DENND6B: variants seen among roughly 807,000 people sequenced by gnomAD.
The protein encoded by DENND6B is protein DENND6B.
A neutral mutation model predicts 85.1 loss-of-function variants in DENND6B; 73 were observed. The observed-to-expected ratio is 0.86, with a 90% CI of 0.71 to 1.04. The LOEUF is 1.04. Ranked by LOEUF, DENND6B falls within the 50% of genes least tolerant of loss-of-function variation. The pLI is 0.00. For synonymous variants in DENND6B, 357 were observed against 329.3 expected (o/e 1.08, Z -0.91); for missense variants, 715 against 785.8 (o/e 0.91, Z 1.08).
intron 18 of DENND6B, 27 bp from the exon 19 acceptor site, chr22:50,312,444 C>T (rs2068079500): frequency 1.2e-6 from 2 of 1,602,606 alleles, no homozygotes; most frequent in Non-Finnish European, 1.7e-6. Context: ...GGTCTACTGT[C>T]AGCAAGGCCC....
intron 1 of DENND6B, among the ~76,000 whole-genome samples, chr22:50,322,963 G>GAC (rs1388275302): frequency 2.8e-5 from 4 of 141,928 alleles, no homozygotes; most frequent in African/African-American, 1.0e-4. Flanking sequence ...CCATTCTCCT[G>GAC]ACTCAGCCTC....
At position 50,313,013 on chromosome 22, in the gene DENND6B, C is replaced by A. The variant is rs1183594427; in HGVS notation, c.1443G>T (p.Trp481Cys). The change falls in exon 17 of 20, where the codon TGG (tryptophan) becomes TGT (cysteine). Residue 481 changes from tryptophan to cysteine, a missense_variant. Coordinates refer to ENST00000413817, the MANE Select transcript of DENND6B (RefSeq NM_001001794.4). ...AGTCCACGCACCTGTAGAGACCCAGCCAGTCGCCCTTGAGGATGCAGGTGA... is the reference window on the plus strand; with the variant it reads ...AGTCCACGCACCTGTAGAGACCCAGACAGTCGCCCTTGAGGATGCAGGTGA... ...PQLTCILKGD[W>C]LGLYRRFFKS... is the part of the protein sequence containing the mutation. 3.8e-6 allele frequency: 6 copies of A among 1,558,716 alleles called. No homozygotes were observed. In the Admixed American group the frequency reaches 7.7e-5, roughly 20 times the overall value.
chr22:50,312,307 C>T, intron 19 of DENND6B, 36 bp downstream of exon 19: 1 of 1,611,042 alleles, frequency 6.2e-7, no homozygotes, highest in Non-Finnish European at 8.5e-7. Context: ...CCGTGCCAGG[C>T]TGGTGGCGCT....
Position 50,313,867 on chromosome 22 carries a change from C to A in DENND6B, c.1150G>T (p.Ala384Ser), listed in dbSNP as rs377719391. The A allele has an allele frequency of 1.9e-6, 3 of 1,610,792 alleles. No individual in the cohort carries two copies. Among genetic ancestry groups the A allele is most frequent in the African/African-American group, 2.7e-5 (2 of 74,930 alleles). Residue 384 changes from alanine (A) to serine (S), a missense_variant, in exon 14 of 20, where the codon GCT becomes TCT. By Grantham distance (99) the Ala-to-Ser change is moderately conservative. Coordinates refer to ENST00000413817, the MANE Select transcript of DENND6B (RefSeq NM_001001794.4). The part of the protein sequence containing the change: ...TLDTKPGLYT[A>S]YTAHLHRDKA... ...TCGCGGTGGAGGTGGGCCGTGTAAG[C>A]GGTGTAGAGGCCTGGCGGGAGGGCA...
In DENND6B at chr22:50,312,992, C is replaced by T; in HGVS notation, c.1457+7G>A. ...GCTCAAGCTGCCTGCACCTGCAGTCCACGCACCTGTAGAGACCCAGCCAGT... is the reference window on the plus strand; with the variant it reads ...GCTCAAGCTGCCTGCACCTGCAGTCTACGCACCTGTAGAGACCCAGCCAGT... On this transcript the variant is annotated splice_region_variant and intron_variant, in intron 17 of 19. Coordinates refer to ENST00000413817, the MANE Select transcript of DENND6B (RefSeq NM_001001794.4). The T allele has an allele frequency of 6.4e-7, 1 of 1,552,316 alleles. No homozygotes were observed. The highest frequency in any genetic ancestry group is 1.7e-4 in the Middle Eastern group (1 of 5,782).
chr22:50,318,915 G>A (rs1435437067), intron 2 of DENND6B, 26 bp from the exon 3 acceptor site: 8 of 1,612,110 alleles, frequency 5.0e-6, no homozygotes, highest in Non-Finnish European at 6.8e-6. Context: ...CCCCGGTGAG[G>A]GCCGACCCAC....
intron 1 of DENND6B, among the ~76,000 whole-genome samples, chr22:50,324,922 A>C (rs1483675471): frequency 6.6e-6 from 1 of 152,166 alleles, no homozygotes; most frequent in East Asian, 1.9e-4. Flanking sequence ...ATATCGCAGA[A>C]CCAAGCACAG....
In DENND6B at chr22:50,310,983, T is replaced by C. The variant is rs2068052567; in HGVS notation, c.*1156A>G. ...AGAAAAAGTCCCTCCCCCAGCCCTGTGTCCCCTGGCCAGCACCCGCCCGGC... is the reference window on the plus strand; with the variant it reads ...AGAAAAAGTCCCTCCCCCAGCCCTGCGTCCCCTGGCCAGCACCCGCCCGGC... On this transcript the variant is annotated 3_prime_UTR_variant, in exon 20 of 20. Coordinates refer to ENST00000413817, the MANE Select transcript of DENND6B (RefSeq NM_001001794.4). 2.6e-5 allele frequency: 4 copies of C among 152,234 alleles called. No homozygotes were observed. The highest frequency in any genetic ancestry group is 5.9e-5 in the Non-Finnish European group (4 of 68,124). 9.4% of individuals were successfully genotyped at this position (152,234 alleles called of 1,614,324 possible).
At chr22:50,315,028 C>A in intron 9 of DENND6B, 107 bp from the exon 10 acceptor site, 1 of 1,466,092 alleles carries the variant, frequency 6.8e-7, no homozygotes, top group Non-Finnish European at 9.3e-7. Context: ...CTGGTGAACA[C>A]AGCACGCTGC....
intron 11 of DENND6B, 42 bp from the exon 12 acceptor site, chr22:50,314,536 A>G: frequency 6.4e-7 from 1 of 1,553,682 alleles, no homozygotes; most frequent in Non-Finnish European, 8.7e-7. Flanking sequence ...ACAGAGGTCC[A>G]GGGAGGTGCA....
chr22:50,316,834 C>T, intron 5 of DENND6B: 1 of 1,069,700 alleles, frequency 9.3e-7, no homozygotes, highest in Non-Finnish European at 1.2e-6. Context: ...GTGTGATGAC[C>T]CTCCAGCCAT....
chr22:50,326,502 G>A (rs1300875840), intron 1 of DENND6B, among the ~76,000 whole-genome samples: 1 of 152,218 alleles, frequency 6.6e-6, no homozygotes, highest in Non-Finnish European at 1.5e-5. Context: ...AGGGGATGAA[G>A]GTGTCACTGC....
chr22:50,319,293 G>C, intron 1 of DENND6B: 1 of 985,308 alleles, frequency 1.0e-6, no homozygotes, highest in Non-Finnish European at 1.2e-6. Flanking sequence ...TGACCTCCAG[G>C]CACCAGGCCC....
intron 1 of DENND6B, among the ~76,000 whole-genome samples, chr22:50,324,706 G>T (rs1181633485): frequency 1.3e-5 from 2 of 152,330 alleles, no homozygotes; most frequent in South Asian, 4.1e-4. Context: ...TTACAGGCGT[G>T]AGCCACCATG....
At position 50,313,018 on chromosome 22, in the gene DENND6B, C is replaced by T. The variant is rs1256761088; in HGVS notation, c.1438G>A (p.Asp480Asn). 20 of 1,559,714 alleles carry T rather than the reference C, an allele frequency of 1.3e-5. No individual in the cohort carries two copies. Among genetic ancestry groups the T allele is most frequent in the African/African-American group, 5.5e-5 (4 of 73,372 alleles). Residue 480 changes from aspartate to asparagine, a missense_variant, in exon 17 of 20, where the codon GAC becomes AAC. By Grantham distance (23) the Asp-to-Asn change is conservative. Transcript: ENST00000413817. Reference sequence around the variant, plus strand: ...ACGCACCTGTAGAGACCCAGCCAGTCGCCCTTGAGGATGCAGGTGAGCTGG... The same window carrying T: ...ACGCACCTGTAGAGACCCAGCCAGTTGCCCTTGAGGATGCAGGTGAGCTGG... ...GPQLTCILKGDWLGLYRRFFK... is the reference protein window; with the variant it reads ...GPQLTCILKGNWLGLYRRFFK...
intron 1 of DENND6B, among the ~76,000 whole-genome samples, chr22:50,323,343 G>A (rs571494472): frequency 6.7e-6 from 1 of 148,652 alleles, no homozygotes; most frequent in African/African-American, 2.5e-5. Context: ...AGGCTGGAGT[G>A]CAGTGGCACG....
intron 5 of DENND6B, chr22:50,317,011 C>T (rs1601819386): frequency 2.1e-5 from 1 of 47,154 alleles, no homozygotes; most frequent in Non-Finnish European, 3.8e-5. Flanking sequence ...TGGGGGGGGG[C>T]GGCGAGGACG....
intron 1 of DENND6B, among the ~76,000 whole-genome samples, chr22:50,321,534 T>A (rs961565707): frequency 6.6e-6 from 1 of 151,186 alleles, no homozygotes; most frequent in Admixed American, 6.6e-5. Flanking sequence ...CTAACATTTT[T>A]CTATTTTTTA....
In DENND6B at chr22:50,316,230, G is replaced by A. The variant is rs2147774764; in HGVS notation, c.583C>T (p.Pro195Ser). 3 of 1,608,456 alleles carry A rather than the reference G, an allele frequency of 1.9e-6. No individual in the cohort carries two copies. Among genetic ancestry groups the A allele is most frequent in the Non-Finnish European group, 1.7e-6 (2 of 1,178,100 alleles). Residue 195 changes from proline to serine, a missense_variant, in exon 7 of 20, where the codon CCG becomes TCG. Physicochemically the swap from Pro to Ser is moderately conservative, Grantham distance 74. Coordinates refer to ENST00000413817, the MANE Select transcript of DENND6B (RefSeq NM_001001794.4). ...AGGGTCTGCCCAGGTGCAGGCGCCG[G>A]CCACTGGTCGATCTCACTGCACACT... ...EAVCSEIDQW[P>S]APAPGQTLNL...
Sources: gnomAD v4.1 joint callset for allele counts (sites outside exome capture counted in the v4.1 genomes callset) on GRCh38, gnomAD v4.1.1 for gene constraint, MANE v1.5 for transcripts, NCBI Gene and HGNC (gene_info 2026-07-23, HGNC 2026-07-21) for gene names.